The following PCBP3 variants were observed in gnomAD, a reference collection of about 807,000 sequenced individuals.
PCBP3 encodes the protein poly(rC)-binding protein 3.
PCBP3 carries 25 observed loss-of-function variants against 52.7 expected under a neutral mutation model. The observed-to-expected ratio is 0.47, with a 90% confidence interval of 0.35 to 0.66. PCBP3 has a LOEUF of 0.66. PCBP3 is among the 30% of genes least tolerant of loss of function. PCBP3 has a pLI of 0.01. For synonymous variants in PCBP3, 162 were observed against 183.0 expected, an observed-to-expected ratio of 0.89 and a Z score of 0.93; for missense variants, 391 against 490.3, an observed-to-expected ratio of 0.80 and a Z score of 1.91.
intron 1 of PCBP3, among the ~76,000 whole-genome samples, chr21:45,658,179 A>G (rs1290277430): frequency 6.6e-6 from 1 of 152,150 alleles, no homozygotes; most frequent in East Asian, 1.9e-4. Flanking sequence ...CCTTTATTAT[A>G]TTAATGTCAT....
chr21:45,782,680 A>C (rs2090730962), intron 4 of PCBP3, among the ~76,000 whole-genome samples: 2 of 152,264 alleles, frequency 1.3e-5, no homozygotes, highest in South Asian at 4.1e-4. Context: ...CAAATTCATG[A>C]AACAGCCTAC....
chr21:45,697,905 G>A (rs2082882231), intron 2 of PCBP3, among the ~76,000 whole-genome samples: 1 of 152,028 alleles, frequency 6.6e-6, no homozygotes, highest in Admixed American at 6.6e-5. Context: ...TGTTGTGTGA[G>A]CCTCATAAGT....
At chr21:45,727,915 A>G (rs2085174979) in intron 2 of PCBP3, among the ~76,000 whole-genome samples, 1 of 152,232 alleles carries the variant, frequency 6.6e-6, no homozygotes, top group African/African-American at 2.4e-5. Flanking sequence ...ACTGTATTCT[A>G]TTCCATGGGT....
At chr21:45,679,060 G>C (rs1472403977) in intron 2 of PCBP3, among the ~76,000 whole-genome samples, 1 of 150,896 alleles carries the variant, frequency 6.6e-6, no homozygotes, top group Non-Finnish European at 1.5e-5. Context: ...CTCACTGAAG[G>C]CTCAGATGAT....
At chr21:45,797,005 C>A (rs2838997) in intron 4 of PCBP3, among the ~76,000 whole-genome samples, 30,199 of 152,062 alleles carry the variant, frequency 0.2, 3,188 homozygotes, top group Middle Eastern at 0.33. Flanking sequence ...GAGAATCAGC[C>A]GAGAATTAGG....
In PCBP3 at chr21:45,784,412, A is replaced by G. The variant is rs1268310329; in HGVS notation, c.-126+28960A>G. ...TACCTCTACCGCTACCTCTACCGCT[A>G]CCGCTACCCCTACCTCCTACCTCCT... On this transcript the variant is annotated intron_variant, in intron 4 of 17. Coordinates refer to ENST00000681687, the MANE Select transcript of PCBP3 (RefSeq NM_001384156.1). Among the ~76,000 whole-genome samples, 353 of 133,642 alleles carry G rather than the reference A, an allele frequency of 2.6e-3. 1 individual carries two copies. Among genetic ancestry groups the G allele is most frequent in the African/African-American group, 9.5e-3 (339 of 35,800 alleles). 87.7% of individuals were successfully genotyped at this position (133,642 alleles called of 152,430 possible). A position where few individuals can be genotyped will look rare whatever the true frequency, so the allele number is the denominator to read the frequency against.
At chr21:45,647,734 A>T (rs1322028481) in intron 1 of PCBP3, among the ~76,000 whole-genome samples, 2 of 152,084 alleles carry the variant, frequency 1.3e-5, no homozygotes, top group Admixed American at 6.6e-5. Context: ...TTTGTTGGAG[A>T]TGGAGGGGGG....
At chr21:45,702,067 G>A (rs1440456703) in intron 2 of PCBP3, among the ~76,000 whole-genome samples, 2 of 152,136 alleles carry the variant, frequency 1.3e-5, no homozygotes, top group East Asian at 1.9e-4. Context: ...AGAAACAAGA[G>A]GAGTATTTTC....
chr21:45,909,907 G>GCCC (rs1234874426), intron 10 of PCBP3, among the ~76,000 whole-genome samples: 1 of 57,158 alleles, frequency 1.7e-5, no homozygotes, highest in Non-Finnish European at 3.5e-5. Flanking sequence ...TACAGACCCG[G>GCCC]CCCACCCACT....
At chr21:45,792,828 C>A (rs887447324) in intron 4 of PCBP3, among the ~76,000 whole-genome samples, 1 of 152,158 alleles carries the variant, frequency 6.6e-6, no homozygotes. Context: ...AGGAGCAGAG[C>A]CAGGTATCCC....
Position 45,865,958 on chromosome 21 carries a change from C to T in PCBP3, c.10+15863C>T, listed in dbSNP as rs555359871. ...CAGGCCGGATGCTATGACAGGGTCT[C>T]CAGGACCCCCGCATGGACTGGACCA... On this transcript the variant is annotated intron_variant, in intron 5 of 17. Transcript: ENST00000681687. 1.1e-3 allele frequency among the ~76,000 whole-genome samples: 174 copies of T among 152,310 alleles called. 1 individual carries two copies. The highest frequency in any genetic ancestry group is 6.8e-3 in the Middle Eastern group (2 of 294).
intron 6 of PCBP3, among the ~76,000 whole-genome samples, chr21:45,898,118 G>A (rs1207429035): frequency 1.3e-5 from 2 of 152,188 alleles, no homozygotes; most frequent in Non-Finnish European, 2.9e-5. Flanking sequence ...CTCTCCAACT[G>A]TGGGTGTCAG....
intron 2 of PCBP3, among the ~76,000 whole-genome samples, chr21:45,693,213 A>G (rs781209109): frequency 6.6e-6 from 1 of 152,164 alleles, no homozygotes; most frequent in Non-Finnish European, 1.5e-5. Flanking sequence ...CTTACCTCCT[A>G]AGACTACCAA....
rs61736689 is a variant in PCBP3 at position 45,941,676 on chromosome 21, G to T, written c.1086G>T (p.Thr362=). ...CTGCCTTTGTCTGTTCCAGGCTGACGTCCGAGGTCACCGGGATGGGCACGC... is the reference window on the plus strand; with the variant it reads ...CTGCCTTTGTCTGTTCCAGGCTGACTTCCGAGGTCACCGGGATGGGCACGC... ...LAQYLINARL[T]SEVTGMGTL is the part of the protein sequence containing the mutation. The change falls in exon 18 of 18, where the codon ACG becomes ACT. Residue 362 remains threonine, a synonymous_variant. Transcript: ENST00000681687. 4 of 1,606,470 alleles carry T rather than the reference G, an allele frequency of 2.5e-6. No individual in the cohort carries two copies. The highest frequency in any genetic ancestry group is 3.4e-6 in the Non-Finnish European group (4 of 1,176,570).
At chr21:45,918,425 C>G (rs111368407) in intron 13 of PCBP3, 4 of 66,642 alleles carry the variant, frequency 6.0e-5, no homozygotes, top group East Asian at 2.5e-4. Flanking sequence ...TCAGATAAAC[C>G]GTCGGTGTAA....
intron 4 of PCBP3, among the ~76,000 whole-genome samples, chr21:45,810,214 G>A (rs189366969): frequency 2.4e-5 from 3 of 125,708 alleles, no homozygotes; most frequent in East Asian, 2.1e-4. Context: ...GTCGTGATTC[G>A]ATTCTGTGTG....
At chr21:45,782,802 G>C (rs540773297) in intron 4 of PCBP3, among the ~76,000 whole-genome samples, 2 of 152,198 alleles carry the variant, frequency 1.3e-5, no homozygotes, top group Non-Finnish European at 2.9e-5. Context: ...AAAGCAACCA[G>C]ATTTTAAAAT....
Position 45,704,232 on chromosome 21 carries a change from G to A in PCBP3, c.-199-31160G>A, listed in dbSNP as rs2083307020. ...TGGGGATGGCTCCAAGGAGACTCTG[G>A]TGGCAACCCTGAGCAGTGTGGAGTC... On this transcript the variant is annotated intron_variant, in intron 2 of 17. Transcript: ENST00000681687. The surrounding 1 kb of genome is among the most constrained non-coding windows in gnomAD (Gnocchi z 4.1). Among the ~76,000 whole-genome samples the A allele has an allele frequency of 2.0e-5, 3 of 152,160 alleles. No individual in the cohort carries two copies. Among genetic ancestry groups the A allele is most frequent in the Non-Finnish European group, 4.4e-5 (3 of 68,032 alleles).
chr21:45,794,083 T>C (rs995335890), intron 4 of PCBP3, among the ~76,000 whole-genome samples: 1 of 152,166 alleles, frequency 6.6e-6, no homozygotes, highest in Non-Finnish European at 1.5e-5. Context: ...AGCATATGTA[T>C]CTGTATAATG....
Sources: gnomAD v4.1 joint callset for allele counts (sites outside exome capture counted in the v4.1 genomes callset) on GRCh38, gnomAD v4.1.1 for gene constraint, Gnocchi (gnomAD v3.1) non-coding constraint, MANE v1.5 for transcripts, NCBI Gene and HGNC (gene_info 2026-07-23, HGNC 2026-07-21) for gene names.